The following PHACTR3 variants were observed in gnomAD, a reference collection of about 807,000 sequenced individuals.
PHACTR3 encodes phosphatase and actin regulator 3.
A neutral mutation model predicts 66.8 loss-of-function variants in PHACTR3; 16 were observed. The ratio of observed to expected loss-of-function variants is 0.24; its 90% CI spans 0.16 to 0.36. The LOEUF (loss-of-function observed/expected upper bound fraction) is 0.36, where lower values mean the gene tolerates loss of function less well. Ranked by LOEUF, PHACTR3 falls within the 10% of genes least tolerant of loss-of-function variation. The probability of loss-of-function intolerance (pLI) is 1.00; values close to 1 mark genes in which losing one functional copy is unlikely to be tolerated. For missense variants in PHACTR3, 647 were observed against 719.9 expected, an observed-to-expected ratio of 0.90 and a Z score of 1.16; for synonymous variants, 323 against 292.1, an observed-to-expected ratio of 1.11 and a Z score of -1.08.
At chr20:59,578,015 C>T (rs573446958) in intron 1 of PHACTR3, among the ~76,000 whole-genome samples, 2 of 152,370 alleles carry the variant, frequency 1.3e-5, no homozygotes, top group South Asian at 2.1e-4. Context: ...CAGTTGGGAT[C>T]GTATGGACAG....
At chr20:59,624,791 A>C (rs1245838420) in intron 1 of PHACTR3, among the ~76,000 whole-genome samples, 2 of 152,370 alleles carry the variant, frequency 1.3e-5, no homozygotes, top group East Asian at 3.9e-4. Flanking sequence ...TTTTACAGAA[A>C]AATTGTGAAG....
At chr20:59,836,214 G>C in intron 8 of PHACTR3, 1 of 393,450 alleles carries the variant, frequency 2.5e-6, no homozygotes. Context: ...GAACAGTCCA[G>C]ACCAGGCAAG....
chr20:59,628,592 T>C (rs2034548346), intron 1 of PHACTR3: 1 of 984,680 alleles, frequency 1.0e-6, no homozygotes, highest in Admixed American at 6.1e-5. Flanking sequence ...CCCCGAGTTC[T>C]GTTTGACAAA....
intron 4 of PHACTR3, among the ~76,000 whole-genome samples, chr20:59,758,068 C>T (rs1049055206): frequency 5.3e-5 from 8 of 152,130 alleles, no homozygotes; most frequent in Admixed American, 1.3e-4. Context: ...GATGGAGAGT[C>T]GATGGGATTT....
intron 5 of PHACTR3, among the ~76,000 whole-genome samples, chr20:59,770,652 A>T (rs2040328974): frequency 6.6e-6 from 1 of 152,180 alleles, no homozygotes; most frequent in African/African-American, 2.4e-5. Flanking sequence ...GACTTTCTTG[A>T]AAAGTCTTCA....
chr20:59,660,049 A>G (rs1048135868), intron 1 of PHACTR3, among the ~76,000 whole-genome samples: 1 of 152,096 alleles, frequency 6.6e-6, no homozygotes, highest in African/African-American at 2.4e-5. Flanking sequence ...CGGAGTTCCC[A>G]GGATAGATTT....
intron 1 of PHACTR3, among the ~76,000 whole-genome samples, chr20:59,718,167 G>A (rs2038164862): frequency 6.6e-6 from 1 of 152,178 alleles, no homozygotes; most frequent in Non-Finnish European, 1.5e-5. Context: ...TGAGTCCTGG[G>A]CAGCTGTGTC....
intron 1 of PHACTR3, among the ~76,000 whole-genome samples, chr20:59,638,187 A>G (rs1299080779): frequency 6.6e-6 from 1 of 152,148 alleles, no homozygotes; most frequent in African/African-American, 2.4e-5. Flanking sequence ...GTGCTCTTGT[A>G]GTACTTAGAA....
chr20:59,641,026 G>T (rs2035081647), intron 1 of PHACTR3, among the ~76,000 whole-genome samples: 1 of 152,068 alleles, frequency 6.6e-6, no homozygotes, highest in Non-Finnish European at 1.5e-5. Context: ...AGAAGATATA[G>T]ATAGAGATAA....
At chr20:59,584,119 A>G (rs1450892433) in intron 1 of PHACTR3, among the ~76,000 whole-genome samples, 2 of 152,220 alleles carry the variant, frequency 1.3e-5, no homozygotes, top group East Asian at 3.9e-4. Flanking sequence ...CGTGTGTGCA[A>G]CGGGGCAGCC....
At chr20:59,822,810 T>A (rs563933850) in intron 8 of PHACTR3, among the ~76,000 whole-genome samples, 1 of 152,266 alleles carries the variant, frequency 6.6e-6, no homozygotes, top group East Asian at 1.9e-4. Flanking sequence ...AGTCACAGGA[T>A]GTGCCCAGTG....
Position 59,830,916 on chromosome 20 carries a change from G to A in PHACTR3, c.1329-5589G>A, listed in dbSNP as rs2042349698. 6.6e-6 allele frequency among the ~76,000 whole-genome samples: 1 copy of A among 152,122 alleles called. No individual in the cohort carries two copies. Among genetic ancestry groups the A allele is most frequent in the South Asian group, 2.1e-4 (1 of 4,830 alleles). Reference sequence around the variant, plus strand: ...GACAGTTGACAGCCTCCACAGACCTGGAAATGTGGGTGGCACAGTGGCATC... The same window carrying A: ...GACAGTTGACAGCCTCCACAGACCTAGAAATGTGGGTGGCACAGTGGCATC... On this transcript the variant is annotated intron_variant, in intron 8 of 12. Transcript: ENST00000371015. This position sits in a 1 kb window ranked among gnomAD's most constrained non-coding sequence, Gnocchi z 5.8.
intron 1 of PHACTR3, among the ~76,000 whole-genome samples, chr20:59,586,002 CT>C (rs2033018395): frequency 6.6e-6 from 1 of 152,186 alleles, no homozygotes. Context: ...CACACCTTTT[CT>C]ACAAGCAGAC....
intron 7 of PHACTR3, among the ~76,000 whole-genome samples, chr20:59,775,074 G>A (rs6027092): frequency 0.41 from 37,240 of 90,090 alleles, 4,801 homozygotes; most frequent in Middle Eastern, 0.52. Flanking sequence ...TTGTCCTCAT[G>A]GTGCGTTCTC....
chr20:59,818,573 A>G (rs949054762), intron 8 of PHACTR3, among the ~76,000 whole-genome samples: 2 of 152,214 alleles, frequency 1.3e-5, no homozygotes, highest in South Asian at 4.1e-4. Context: ...CTCCAAAAAG[A>G]AGCCTCTCCC....
intron 1 of PHACTR3, among the ~76,000 whole-genome samples, chr20:59,701,782 C>T (rs1181631034): frequency 6.6e-6 from 1 of 152,182 alleles, no homozygotes; most frequent in East Asian, 1.9e-4. Flanking sequence ...TTACATTCTA[C>T]GGGTTTTGAC....
At chr20:59,593,032 T>A (rs1010887027) in intron 1 of PHACTR3, among the ~76,000 whole-genome samples, 3 of 152,214 alleles carry the variant, frequency 2.0e-5, no homozygotes, top group Non-Finnish European at 4.4e-5. Flanking sequence ...AATGTCTGGA[T>A]CGTGTGGTAA....
At chr20:59,622,727 C>T (rs1040717863) in intron 1 of PHACTR3, among the ~76,000 whole-genome samples, 10 of 151,946 alleles carry the variant, frequency 6.6e-5, no homozygotes, top group Admixed American at 4.6e-4. Flanking sequence ...AGAGATGCCT[C>T]GGGACCTGAG....
In PHACTR3 at chr20:59,673,860, AGC is replaced by A. The variant is rs558047918; in HGVS notation, c.118+68729_118+68730del. 5.3e-4 allele frequency among the ~76,000 whole-genome samples: 81 copies of A among 152,146 alleles called. 1 individual carries two copies. The highest frequency in any genetic ancestry group is 5.0e-3 in the Admixed American group (77 of 15,288). On this transcript the variant is annotated intron_variant, in intron 1 of 12. Transcript: ENST00000371015. ...TTGTGCAGCTCACTCTGCCTCTCTG[AGC>A]CTTGGTTTCCTCACCTGACCTGCAC... is the stretch of plus-strand genomic sequence containing the variant.
Sources: allele counts gnomAD v4.1 joint callset (sites outside exome capture counted in the v4.1 genomes callset), GRCh38; gene constraint gnomAD v4.1.1; non-coding constraint Gnocchi (gnomAD v3.1); transcripts MANE v1.5; gene names NCBI Gene and HGNC (gene_info 2026-07-23, HGNC 2026-07-21).